The following MMP24 variants were observed in gnomAD, a reference collection of about 807,000 sequenced individuals.
MMP24 encodes matrix metallopeptidase 24, also known as matrix metalloproteinase-24.
Under a neutral mutation model 62.8 loss-of-function variants are expected in MMP24, and 25 were observed. That is an observed-to-expected ratio of 0.40 (90% confidence interval 0.29 to 0.56). The LOEUF (loss-of-function observed/expected upper bound fraction) is 0.56, where lower values mean the gene tolerates loss of function less well. MMP24 is among the 20% of genes least tolerant of loss of function. The probability of loss-of-function intolerance (pLI) is 0.50; values close to 1 mark genes in which losing one functional copy is unlikely to be tolerated. For synonymous variants in MMP24, 319 were observed against 350.5 expected, an observed-to-expected ratio of 0.91 and a Z score of 1.00; for missense variants, 634 against 853.6, an observed-to-expected ratio of 0.74 and a Z score of 3.21.
At chr20:35,239,328 C>T (rs750042990) in intron 1 of MMP24, among the ~76,000 whole-genome samples, 14 of 152,118 alleles carry the variant, frequency 9.2e-5, no homozygotes, top group Non-Finnish European at 1.5e-4. Flanking sequence ...TGAGCCACCA[C>T]GCCTGGCTGT....
chr20:35,258,808 A>C (rs921097902), intron 4 of MMP24, among the ~76,000 whole-genome samples: 3 of 151,840 alleles, frequency 2.0e-5, no homozygotes, highest in African/African-American at 7.3e-5. Flanking sequence ...AAAAAAAAAA[A>C]CAACAAAAAA....
At chr20:35,273,452 G>A (rs1002862026) in intron 8 of MMP24, among the ~76,000 whole-genome samples, 2 of 152,064 alleles carry the variant, frequency 1.3e-5, no homozygotes, top group Non-Finnish European at 2.9e-5. Context: ...AGAGGGGGCC[G>A]TGTTAGAGAT....
chr20:35,231,715 G>A (rs1181729212), intron 1 of MMP24, among the ~76,000 whole-genome samples: 1 of 152,112 alleles, frequency 6.6e-6, no homozygotes, highest in Non-Finnish European at 1.5e-5. Context: ...AAGATGATGT[G>A]AATTGCCTAT....
intron 1 of MMP24, among the ~76,000 whole-genome samples, chr20:35,229,666 C>A (rs2060429514): frequency 6.6e-6 from 1 of 152,128 alleles, no homozygotes; most frequent in Non-Finnish European, 1.5e-5. Flanking sequence ...CTTTTAAGCC[C>A]TCTGGAGTCT....
chr20:35,229,806 T>C (rs1600768711), intron 1 of MMP24, among the ~76,000 whole-genome samples: 1 of 152,084 alleles, frequency 6.6e-6, no homozygotes, highest in South Asian at 2.1e-4. Context: ...CATTGTCACA[T>C]AGTTACTTCT....
chr20:35,252,384 C>T (rs2146216799), intron 3 of MMP24, among the ~76,000 whole-genome samples: 1 of 152,314 alleles, frequency 6.6e-6, no homozygotes, highest in Middle Eastern at 3.4e-3. Context: ...CATGCCACTG[C>T]ACTCCAGCCT....
In MMP24 at chr20:35,271,234, C is replaced by G. The variant is rs1446929939; in HGVS notation, c.1334-335C>G. ...CCGAGGGAGGTCAGGGTTTCTGGCT[C>G]TGCTGCTCAGGTCCAGTGGGAGAGC... On this transcript the variant is annotated intron_variant, in intron 7 of 8. Transcript: ENST00000246186. The surrounding 1 kb of genome is among the most constrained non-coding windows in gnomAD (Gnocchi z 4.0). Among the ~76,000 whole-genome samples, 1 of 152,158 alleles carries G rather than the reference C, an allele frequency of 6.6e-6. No individual in the cohort carries two copies. The highest frequency in any genetic ancestry group is 2.4e-5 in the African/African-American group (1 of 41,444).
chr20:35,245,557 T>C (rs1044444818), intron 1 of MMP24, among the ~76,000 whole-genome samples: 1 of 151,996 alleles, frequency 6.6e-6, no homozygotes, highest in Non-Finnish European at 1.5e-5. Flanking sequence ...CGAGTGATTC[T>C]CCTGCCTTAG....
In MMP24 at chr20:35,242,808, C is replaced by T. The variant is rs2060495457; in HGVS notation, c.247-4032C>T. On this transcript the variant is annotated intron_variant, in intron 1 of 8. Transcript: ENST00000246186. Reference sequence around the variant, plus strand: ...GACTTGACCGCAAAAGATGAACTGCCCTCCATAGGACCCACAAGAACTGGC... The same window carrying T: ...GACTTGACCGCAAAAGATGAACTGCTCTCCATAGGACCCACAAGAACTGGC... Among the ~76,000 whole-genome samples the T allele has an allele frequency of 2.0e-5, 3 of 152,148 alleles. No homozygotes were observed. In the South Asian group the frequency reaches 6.2e-4, roughly 32 times the overall value.
chr20:35,273,127 T>C (rs1014930796), intron 8 of MMP24, among the ~76,000 whole-genome samples: 1 of 152,046 alleles, frequency 6.6e-6, no homozygotes, highest in Non-Finnish European at 1.5e-5. Context: ...ACAGACGCTA[T>C]AAGGGAAAGA....
At chr20:35,270,364 G>A (rs1568622075) in intron 7 of MMP24, among the ~76,000 whole-genome samples, 1 of 152,342 alleles carries the variant, frequency 6.6e-6, no homozygotes, top group South Asian at 2.1e-4. Context: ...CATTCCAGAG[G>A]GACAACGGCT....
chr20:35,240,886 CA>C, intron 1 of MMP24, among the ~76,000 whole-genome samples: 1 of 152,220 alleles, frequency 6.6e-6, no homozygotes, highest in Admixed American at 6.5e-5. Flanking sequence ...TCCAGGAACT[CA>C]ATCTAGTGGG....
chr20:35,272,158 G>GATGGGC, intron 8 of MMP24: 2 of 450,000 alleles, frequency 4.4e-6, no homozygotes, highest in Non-Finnish European at 7.8e-6. Flanking sequence ...GAAAAGCAAT[G>GATGGGC]ATGGGCATGC....
intron 2 of MMP24, among the ~76,000 whole-genome samples, 194 bp downstream of exon 2, chr20:35,247,182 T>C (rs971964951): frequency 6.6e-6 from 1 of 152,150 alleles, no homozygotes; most frequent in Admixed American, 6.5e-5. Flanking sequence ...CCCATTAACA[T>C]TCCATGTGAC....
At chr20:35,250,878 G>A (rs1016887402) in intron 2 of MMP24, among the ~76,000 whole-genome samples, 5 of 152,098 alleles carry the variant, frequency 3.3e-5, no homozygotes, top group African/African-American at 4.8e-5. Context: ...ACCAGGCCCC[G>A]CCTCCAACAG....
chr20:35,273,518 C>T (rs2060684958), intron 8 of MMP24, among the ~76,000 whole-genome samples: 1 of 152,184 alleles, frequency 6.6e-6, no homozygotes, highest in South Asian at 2.1e-4. Context: ...ATGGCCACAG[C>T]TGCTATTTGT....
chr20:35,238,380 T>C (rs1269472916), intron 1 of MMP24, among the ~76,000 whole-genome samples: 1 of 152,004 alleles, frequency 6.6e-6, no homozygotes, highest in Non-Finnish European at 1.5e-5. Flanking sequence ...GTGGTAAGAA[T>C]TGCGATAAGG....
chr20:35,228,193 C>T (rs1033021485), intron 1 of MMP24, among the ~76,000 whole-genome samples: 4 of 152,140 alleles, frequency 2.6e-5, no homozygotes, highest in East Asian at 1.9e-4. Flanking sequence ...ACTGAAATTG[C>T]GTACAAATTT....
At chr20:35,255,496 C>T (rs1222565216) in intron 4 of MMP24, among the ~76,000 whole-genome samples, 3 of 152,116 alleles carry the variant, frequency 2.0e-5, no homozygotes, top group Non-Finnish European at 1.5e-5. Flanking sequence ...ATTATTCTGG[C>T]ATCCTTGGAT....
Sources: gnomAD v4.1 joint callset for allele counts (sites outside exome capture counted in the v4.1 genomes callset) on GRCh38, gnomAD v4.1.1 for gene constraint, Gnocchi (gnomAD v3.1) non-coding constraint, MANE v1.5 for transcripts, NCBI Gene and HGNC (gene_info 2026-07-23, HGNC 2026-07-21) for gene names.